TASP1: variants seen among roughly 807,000 people sequenced by gnomAD.
TASP1 encodes the protein taspase 1.
Under a neutral mutation model 56.6 loss-of-function variants are expected in TASP1, and 16 were observed. That is an observed-to-expected ratio of 0.28 (90% CI 0.19 to 0.43). TASP1 has a LOEUF of 0.43. Among genes scored for constraint, TASP1 ranks in the 20% least tolerant of loss-of-function variants. The pLI, the probability that TASP1 is intolerant of heterozygous loss-of-function variation, is 1.00. For synonymous variants in TASP1, 179 were observed against 184.2 expected (o/e 0.97, Z 0.23); for missense variants, 393 against 511.6 (o/e 0.77, Z 2.24).
At chr20:13,203,079 GT>G in the TASP1 span, among the ~76,000 whole-genome samples, 3 of 151,826 alleles carry the variant, frequency 2.0e-5, no homozygotes, top group Non-Finnish European at 2.9e-5. Flanking sequence ...TTCTAGAAGG[GT>G]TTTTTTTAAC....
chr20:13,534,133 G>A lies in TASP1; in HGVS notation c.684C>T (p.Asp228=), dbSNP rs2045327358. ...CGCCTACCGTGTCCAAAGTGCCTGAGTCATTTTCCTGCAGAGCAAAAGTGG... is the reference window on the plus strand; with the variant it reads ...CGCCTACCGTGTCCAAAGTGCCTGAATCATTTTCCTGCAGAGCAAAAGTGG... ...KRRQSSEKEN[D]SGTLDTVGAV... is the part of the protein sequence containing the mutation. Residue 228 remains aspartate, a synonymous_variant, in exon 9 of 14, where the codon GAC becomes GAT. Coordinates refer to ENST00000337743, the MANE Select transcript of TASP1 (RefSeq NM_017714.3). The A allele has an allele frequency of 6.2e-7, 1 of 1,613,374 alleles. No individual in the cohort carries two copies. The highest frequency in any genetic ancestry group is 1.1e-5 in the South Asian group (1 of 91,004).
At chr20:13,289,405 G>T in the TASP1 span, among the ~76,000 whole-genome samples, 1 of 152,164 alleles carries the variant, frequency 6.6e-6, no homozygotes, top group South Asian at 2.1e-4. Context: ...CGCAACCTGG[G>T]GCGTCTTGGT....
At chr20:13,463,507 C>T (rs775719991) in intron 11 of TASP1, among the ~76,000 whole-genome samples, 10 of 151,760 alleles carry the variant, frequency 6.6e-5, no homozygotes, top group African/African-American at 9.7e-5. Context: ...AATAAAAAAA[C>T]AGGCAAATTA....
At chr20:13,591,660 CTAAA>C (rs370472169) in intron 4 of TASP1, among the ~76,000 whole-genome samples, 1 of 152,142 alleles carries the variant, frequency 6.6e-6, no homozygotes, top group African/African-American at 2.4e-5. Flanking sequence ...GATTAATACT[CTAAA>C]TAAGTGGGAA....
At chr20:13,169,719 C>T in the TASP1 span, among the ~76,000 whole-genome samples, 4 of 152,042 alleles carry the variant, frequency 2.6e-5, no homozygotes, top group African/African-American at 4.8e-5. Flanking sequence ...GTTAAACATA[C>T]GTAAAATCGA....
chr20:13,428,255 A>G (rs536194203), intron 12 of TASP1, among the ~76,000 whole-genome samples: 167 of 152,344 alleles, frequency 1.1e-3, no homozygotes, highest in African/African-American at 3.9e-3. Context: ...TACAAGGTGC[A>G]AAACAGGAAA....
chr20:13,393,501 A>G (rs759620687), intron 13 of TASP1: 1 of 784,450 alleles, frequency 1.3e-6, no homozygotes, highest in Non-Finnish European at 2.2e-6. Context: ...CCTGGACTAC[A>G]CTGAGCACCA....
chr20:13,569,727 T>A, intron 6 of TASP1, 141 bp from the exon 7 acceptor site: 3 of 636,430 alleles, frequency 4.7e-6, no homozygotes, highest in East Asian at 2.9e-5. Context: ...AGTAGTAAGA[T>A]GACTGCATGC....
chr20:13,506,265 A>G (rs1185531299), intron 10 of TASP1, among the ~76,000 whole-genome samples: 1 of 152,152 alleles, frequency 6.6e-6, no homozygotes, highest in African/African-American at 2.4e-5. Context: ...AGAATCTCTC[A>G]TCCAAGAAAA....
chr20:13,521,419 A>G (rs1443323154), intron 10 of TASP1, among the ~76,000 whole-genome samples: 7 of 152,194 alleles, frequency 4.6e-5, no homozygotes, highest in Non-Finnish European at 1.0e-4. Flanking sequence ...TGTGGCACAT[A>G]TACACCATGG....
intron 7 of TASP1, among the ~76,000 whole-genome samples, chr20:13,566,854 G>A (rs1258627774): frequency 6.6e-6 from 1 of 152,160 alleles, no homozygotes; most frequent in African/African-American, 2.4e-5. Flanking sequence ...CAGCCATTGT[G>A]GAAAGCAGTG....
chr20:13,382,032 C>T, the TASP1 span, among the ~76,000 whole-genome samples: 14 of 152,062 alleles, frequency 9.2e-5, no homozygotes, highest in South Asian at 2.1e-4. Context: ...TGAGAAATGC[C>T]GGCAGCCTGC....
chr20:13,298,389 T>A, the TASP1 span, among the ~76,000 whole-genome samples: 1 of 152,220 alleles, frequency 6.6e-6, no homozygotes, highest in Non-Finnish European at 1.5e-5. Flanking sequence ...GTGCTGGGAT[T>A]ACAGGCATAT....
intron 11 of TASP1, among the ~76,000 whole-genome samples, chr20:13,467,677 G>T (rs565061817): frequency 7.0e-4 from 106 of 152,240 alleles, no homozygotes; most frequent in Non-Finnish European, 1.0e-3. Flanking sequence ...AGGGAAGGAA[G>T]ACAAACAGGA....
At chr20:13,382,069 TG>T in the TASP1 span, among the ~76,000 whole-genome samples, 1 of 152,062 alleles carries the variant, frequency 6.6e-6, no homozygotes, top group South Asian at 2.1e-4. Context: ...GAGTAGGACT[TG>T]GTTGGGAGCT....
In TASP1 at chr20:13,590,671, G is replaced by T. The variant is rs113766989; in HGVS notation, c.283-3301C>A. On this transcript the variant is annotated intron_variant, in intron 4 of 13. Coordinates refer to ENST00000337743, the MANE Select transcript of TASP1 (RefSeq NM_017714.3). The stretch of plus-strand genomic sequence containing the variant: ...TTACAAGGTCAGGCATTCGAGACCA[G>T]CCTGGCCAACATGGTGAAACCCCAT... 9.9e-3 allele frequency among the ~76,000 whole-genome samples: 1,505 copies of T among 152,084 alleles called. 16 individuals carry two copies. Among genetic ancestry groups the T allele is most frequent in the African/African-American group, 0.029 (1,196 of 41,470 alleles).
At chr20:13,345,031 C>T in the TASP1 span, among the ~76,000 whole-genome samples, 2 of 152,174 alleles carry the variant, frequency 1.3e-5, no homozygotes, top group Admixed American at 6.5e-5. Context: ...CCAGCCTCCT[C>T]ATGCACATTT....
At chr20:13,576,671 C>T (rs771287261) in intron 6 of TASP1, among the ~76,000 whole-genome samples, 9 of 152,204 alleles carry the variant, frequency 5.9e-5, no homozygotes, top group Non-Finnish European at 1.2e-4. Flanking sequence ...ATTAGAATCA[C>T]AATCAAAATT....
At chr20:13,468,182 G>T (rs985069711) in intron 11 of TASP1, among the ~76,000 whole-genome samples, 1 of 144,980 alleles carries the variant, frequency 6.9e-6, no homozygotes, top group Non-Finnish European at 1.5e-5. Flanking sequence ...TGGTTTAAAT[G>T]ACTAGAAATC....
Sources: allele counts gnomAD v4.1 joint callset (sites outside exome capture counted in the v4.1 genomes callset), GRCh38; gene constraint gnomAD v4.1.1; transcripts MANE v1.5; gene names NCBI Gene and HGNC (gene_info 2026-07-23, HGNC 2026-07-21).